The following COBLL1 variants were observed in gnomAD, a reference collection of about 807,000 sequenced individuals.
COBLL1 encodes cordon-bleu WH2 repeat protein like 1, also known as cordon-bleu protein-like 1.
COBLL1 carries 50 observed loss-of-function variants against 94.8 expected under a neutral mutation model. The ratio of observed to expected loss-of-function variants is 0.53; its 90% CI spans 0.42 to 0.67. The LOEUF (loss-of-function observed/expected upper bound fraction) is 0.67, where lower values mean the gene tolerates loss of function less well. Among genes scored for constraint, COBLL1 ranks in the 30% least tolerant of loss-of-function variants. COBLL1 has a pLI of 0.00. For missense variants in COBLL1, 1,362 were observed against 1,348.7 expected, an observed-to-expected ratio of 1.01 and a Z score of -0.15; for synonymous variants, 448 against 473.8, an observed-to-expected ratio of 0.95 and a Z score of 0.71.
Position 164,786,718 on chromosome 2 carries a change from G to T in COBLL1, c.42-42843C>A, listed in dbSNP as rs115446681. ...AGAATCACTTCCCAGAATGGCTTCA[G>T]TGTCACCTTCCCAGATTCTTTGTCA... On this transcript the variant is annotated intron_variant, in intron 2 of 13. Coordinates refer to ENST00000652658, the MANE Select transcript of COBLL1 (RefSeq NM_001365672.2). 3.7e-3 allele frequency among the ~76,000 whole-genome samples: 558 copies of T among 152,274 alleles called. 7 individuals are homozygous for T. Among genetic ancestry groups the T allele is most frequent in the African/African-American group, 0.012 (511 of 41,556 alleles).
chr2:164,674,850 C>G (rs1449391719), intron 1 of COBLL1, among the ~76,000 whole-genome samples: 1 of 152,216 alleles, frequency 6.6e-6, no homozygotes, highest in Non-Finnish European at 1.5e-5. Flanking sequence ...ACACAGTACA[C>G]TGCTATTCCA....
chr2:164,823,741 T>C (rs1437966357), intron 2 of COBLL1, among the ~76,000 whole-genome samples: 3 of 152,226 alleles, frequency 2.0e-5, no homozygotes, highest in Admixed American at 1.3e-4. Context: ...ATACATCTTA[T>C]ACAGATTTCT....
Position 164,700,755 on chromosome 2 carries a change from A to C in COBLL1, c.1227T>G (p.Ala409=), listed in dbSNP as rs757008251. The part of the protein sequence containing the change: ...ANSPEELSSP[A]GISSDYSLEE... ...CAAGGCTATAATCAGAGCTTATTCC[A>C]GCTACAAAGAAATGCAGATATAATC... The change falls in exon 10 of 14, where the codon GCT becomes GCG. Residue 409 remains alanine (A), a splice_region_variant and synonymous_variant. Transcript: ENST00000652658. The C allele has an allele frequency of 6.4e-7, 1 of 1,563,310 alleles. No homozygotes were observed. Among genetic ancestry groups the C allele is most frequent in the Non-Finnish European group, 8.8e-7 (1 of 1,137,884 alleles).
chr2:164,770,500 T>C (rs1048062948), intron 2 of COBLL1, among the ~76,000 whole-genome samples: 1 of 152,006 alleles, frequency 6.6e-6, no homozygotes, highest in African/African-American at 2.4e-5. Flanking sequence ...AAAGGAAAAA[T>C]ACCCATATTC....
chr2:164,836,159 G>T (rs1683309013), intron 2 of COBLL1, among the ~76,000 whole-genome samples: 1 of 151,768 alleles, frequency 6.6e-6, no homozygotes, highest in Non-Finnish European at 1.5e-5. Context: ...TCCTACTTTT[G>T]AAATATTGTT....
intron 2 of COBLL1, among the ~76,000 whole-genome samples, chr2:164,836,902 G>A (rs1335596087): frequency 6.6e-6 from 1 of 152,108 alleles, no homozygotes; most frequent in African/African-American, 2.4e-5. Flanking sequence ...AATGGGTGGG[G>A]GCATGAGAGC....
At chr2:164,818,532 C>T (rs1429160446) in intron 2 of COBLL1, among the ~76,000 whole-genome samples, 4 of 143,008 alleles carry the variant, frequency 2.8e-5, no homozygotes, top group Non-Finnish European at 6.2e-5. Context: ...ATACAATATA[C>T]ATATTTACAT....
intron 2 of COBLL1, among the ~76,000 whole-genome samples, chr2:164,780,068 T>C (rs1688663129): frequency 6.6e-6 from 1 of 152,196 alleles, no homozygotes; most frequent in Non-Finnish European, 1.5e-5. Context: ...AAGTGTTAAC[T>C]TTACTAAATG....
chr2:164,662,702 G>A (rs990163646), intron 2 of COBLL1, among the ~76,000 whole-genome samples: 5 of 152,072 alleles, frequency 3.3e-5, no homozygotes, highest in Non-Finnish European at 1.5e-5. Context: ...TCCCTTTGGT[G>A]CTGTCCTCAT....
chr2:164,788,196 C>T (rs1487105769), intron 2 of COBLL1, among the ~76,000 whole-genome samples: 2 of 152,158 alleles, frequency 1.3e-5, no homozygotes, highest in African/African-American at 4.8e-5. Flanking sequence ...GACATTACTC[C>T]GGCCATGGCA....
chr2:164,830,276 C>T (rs768543844), intron 2 of COBLL1, among the ~76,000 whole-genome samples: 3 of 152,124 alleles, frequency 2.0e-5, no homozygotes, highest in Non-Finnish European at 4.4e-5. Flanking sequence ...ACCTTACCTA[C>T]GCTTTACAGT....
rs1376277568 is a variant in COBLL1 at position 164,695,877 on chromosome 2, T to C, written c.1556-41A>G. Reference sequence around the variant, plus strand: ...CATCAAGTTAAATATATGAAAGAAGTAGAAAACCTCAAGTTTTTAATGCCT... The same window carrying C: ...CATCAAGTTAAATATATGAAAGAAGCAGAAAACCTCAAGTTTTTAATGCCT... On this transcript the variant is annotated intron_variant, in intron 11 of 13. Coordinates refer to ENST00000652658, the MANE Select transcript of COBLL1 (RefSeq NM_001365672.2). 2.7e-6 allele frequency: 4 copies of C among 1,471,912 alleles called. No homozygotes were observed. In the African/African-American group the frequency reaches 5.7e-5, roughly 21 times the overall value. 91.2% of individuals were successfully genotyped at this position (1,471,912 alleles called of 1,614,324 possible).
chr2:164,812,585 C>T (rs1254347538), intron 2 of COBLL1, among the ~76,000 whole-genome samples: 2 of 152,018 alleles, frequency 1.3e-5, no homozygotes, highest in Non-Finnish European at 2.9e-5. Flanking sequence ...CCATGACCTT[C>T]CAAACCTCCT....
At chr2:164,832,390 T>A (rs776395967) in intron 2 of COBLL1, among the ~76,000 whole-genome samples, 1 of 152,196 alleles carries the variant, frequency 6.6e-6, no homozygotes, top group African/African-American at 2.4e-5. Flanking sequence ...TGAGAAACAA[T>A]GTAATTTTTC....
At position 164,730,052 on chromosome 2, in the gene COBLL1, G is replaced by GT; in HGVS notation, c.293dup (p.Tyr98Ter). The GT allele has an allele frequency of 6.2e-7, 1 of 1,614,010 alleles. No homozygotes were observed. Among genetic ancestry groups the GT allele is most frequent in the Non-Finnish European group, 8.5e-7 (1 of 1,179,940 alleles). The change falls in exon 4 of 14, where the codon TAC (tyrosine) becomes TAAC (stop). Residue 98 changes from tyrosine to a stop codon, truncating the protein, a stop_gained and frameshift_variant. Coordinates refer to ENST00000652658, the MANE Select transcript of COBLL1 (RefSeq NM_001365672.2). LOFTEE classifies it high-confidence loss of function. ...GTTCAGCTGACAACAGATCGATTGT[G>GT]TAACTTGATGGATTTAAGTGATACT... The part of the protein sequence containing the change: ...CAQYHLNPSS[Y>*]TIDLLSAEQN...
rs376914752 is a variant in COBLL1 at position 164,773,009 on chromosome 2, A to G, written c.42-29134T>C. Among the ~76,000 whole-genome samples, 6 of 152,274 alleles carry G rather than the reference A, an allele frequency of 3.9e-5. No homozygotes were observed. In the East Asian group the frequency reaches 9.6e-4, roughly 24 times the overall value. Reference sequence around the variant, plus strand: ...ACACTCAAAGTCTGCTCTAAGGTTCATGTGCTAAAGGATTCTTTATTTTTT... The same window carrying G: ...ACACTCAAAGTCTGCTCTAAGGTTCGTGTGCTAAAGGATTCTTTATTTTTT... On this transcript the variant is annotated intron_variant, in intron 2 of 13. Coordinates refer to ENST00000652658, the MANE Select transcript of COBLL1 (RefSeq NM_001365672.2).
intron 13 of COBLL1, among the ~76,000 whole-genome samples, chr2:164,686,987 G>A (rs1298117571): frequency 6.6e-6 from 1 of 152,094 alleles, no homozygotes; most frequent in Non-Finnish European, 1.5e-5. Context: ...CTTGCGCTTC[G>A]CTTTTTGCCT....
At chr2:164,820,416 T>G (rs1346109812) in intron 2 of COBLL1, among the ~76,000 whole-genome samples, 1 of 151,924 alleles carries the variant, frequency 6.6e-6, no homozygotes, top group South Asian at 2.1e-4. Flanking sequence ...ATTTGGGGTT[T>G]TGCCATGTTG....
intron 3 of COBLL1, among the ~76,000 whole-genome samples, chr2:164,739,739 T>C (rs1388568933): frequency 6.6e-6 from 1 of 152,220 alleles, no homozygotes; most frequent in East Asian, 1.9e-4. Flanking sequence ...TTCATATTCC[T>C]TTTATATGGT....
Sources: allele counts gnomAD v4.1 joint callset (sites outside exome capture counted in the v4.1 genomes callset), GRCh38; gene constraint gnomAD v4.1.1; transcripts MANE v1.5; gene names NCBI Gene and HGNC (gene_info 2026-07-23, HGNC 2026-07-21).